Variants in LHFPL3 observed in about 807,000 individuals in gnomAD.
The protein encoded by LHFPL3 is LHFPL tetraspan subfamily member 3, also known as LHFPL tetraspan subfamily member 3 protein.
Under a neutral mutation model 19.3 loss-of-function variants are expected in LHFPL3, and 5 were observed. That is an observed-to-expected ratio of 0.26 (90% CI 0.14 to 0.54). The LOEUF (loss-of-function observed/expected upper bound fraction) is 0.54. Ranked by LOEUF, LHFPL3 falls within the 20% of genes least tolerant of loss-of-function variation. The pLI is 0.94. For missense variants in LHFPL3, 249 were observed against 307.4 expected (o/e 0.81, Z 1.42); for synonymous variants, 133 against 126.2 (o/e 1.05, Z -0.36).
chr7:104,873,732 C>T (rs776895480), intron 2 of LHFPL3, among the ~76,000 whole-genome samples: 8 of 152,158 alleles, frequency 5.3e-5, no homozygotes, highest in Non-Finnish European at 7.4e-5. Context: ...ATTTTCTTTC[C>T]GTCTGTATAC....
intron 1 of LHFPL3, among the ~76,000 whole-genome samples, chr7:104,526,361 A>G (rs1794188531): frequency 1.3e-5 from 2 of 152,354 alleles, no homozygotes; most frequent in South Asian, 4.1e-4. Flanking sequence ...ACAAGCATCT[A>G]TGTAGCACAG....
chr7:104,862,067 C>T (rs1405232778), intron 2 of LHFPL3, among the ~76,000 whole-genome samples: 3 of 152,152 alleles, frequency 2.0e-5, no homozygotes, highest in Non-Finnish European at 4.4e-5. Context: ...CTTACACCAT[C>T]TTCCAGCAAT....
intron 2 of LHFPL3, among the ~76,000 whole-genome samples, chr7:104,865,238 G>A (rs576638755): frequency 3.0e-4 from 45 of 152,280 alleles, no homozygotes; most frequent in African/African-American, 8.9e-4. Flanking sequence ...TGACTTTGAC[G>A]AGTTGAGAGA....
chr7:104,850,250 C>T (rs987883522), intron 2 of LHFPL3, among the ~76,000 whole-genome samples: 3 of 151,930 alleles, frequency 2.0e-5, no homozygotes, highest in African/African-American at 7.2e-5. Context: ...TGCGGTGAGC[C>T]GAGATCACAC....
At chr7:104,455,552 C>T (rs1455458124) in intron 1 of LHFPL3, among the ~76,000 whole-genome samples, 1 of 152,090 alleles carries the variant, frequency 6.6e-6, no homozygotes, top group Non-Finnish European at 1.5e-5. Context: ...GAAACCTCAT[C>T]TCTAATAAAA....
At chr7:104,831,120 G>A (rs906090918) in intron 2 of LHFPL3, among the ~76,000 whole-genome samples, 2 of 151,896 alleles carry the variant, frequency 1.3e-5, no homozygotes, top group African/African-American at 4.9e-5. Flanking sequence ...GCTAGAAATT[G>A]ACCATTTCAC....
intron 2 of LHFPL3, among the ~76,000 whole-genome samples, chr7:104,886,427 C>T (rs898842241): frequency 6.6e-6 from 1 of 152,030 alleles, no homozygotes; most frequent in Non-Finnish European, 1.5e-5. Context: ...TGCAGTGGTG[C>T]GATCTCAGTT....
At chr7:104,393,807 G>T (rs928365514) in intron 1 of LHFPL3, among the ~76,000 whole-genome samples, 13 of 152,164 alleles carry the variant, frequency 8.5e-5, no homozygotes, top group Non-Finnish European at 1.8e-4. Flanking sequence ...CAACATGAAT[G>T]AATATTGAAA....
intron 1 of LHFPL3, among the ~76,000 whole-genome samples, chr7:104,337,825 C>T (rs1233973928): frequency 6.6e-6 from 1 of 152,190 alleles, no homozygotes; most frequent in East Asian, 1.9e-4. Flanking sequence ...TATTGTGGAT[C>T]TGTGTGATGC....
At chr7:104,560,715 T>G (rs1789972886) in intron 1 of LHFPL3, among the ~76,000 whole-genome samples, 1 of 148,246 alleles carries the variant, frequency 6.7e-6, no homozygotes, top group East Asian at 1.9e-4. Flanking sequence ...ATTTCTTGCC[T>G]TCTGCTAGCT....
intron 1 of LHFPL3, among the ~76,000 whole-genome samples, chr7:104,463,136 T>G (rs964525987): frequency 2.0e-5 from 3 of 152,194 alleles, no homozygotes; most frequent in African/African-American, 4.8e-5. Context: ...CCTTTCTTCT[T>G]TATTAGTCTA....
chr7:104,758,166 G>A (rs903124677), intron 2 of LHFPL3, among the ~76,000 whole-genome samples: 1 of 152,048 alleles, frequency 6.6e-6, no homozygotes, highest in African/African-American at 2.4e-5. Context: ...CATAAACATG[G>A]GAACAATGGA....
chr7:104,729,933 C>T (rs1793666206), intron 1 of LHFPL3, among the ~76,000 whole-genome samples: 1 of 147,370 alleles, frequency 6.8e-6, no homozygotes, highest in Non-Finnish European at 1.5e-5. Flanking sequence ...GTGTGATGTT[C>T]CCCTTCCTGT....
intron 2 of LHFPL3, among the ~76,000 whole-genome samples, chr7:104,896,975 A>G (rs944930973): frequency 6.6e-6 from 1 of 152,058 alleles, no homozygotes; most frequent in Non-Finnish European, 1.5e-5. Flanking sequence ...AGTCCCAGCT[A>G]CTTGGGAGGC....
At chr7:104,861,046 A>T (rs1791611009) in intron 2 of LHFPL3, among the ~76,000 whole-genome samples, 1 of 152,246 alleles carries the variant, frequency 6.6e-6, no homozygotes, top group African/African-American at 2.4e-5. Flanking sequence ...TTTTTAAAAA[A>T]GTAAAACATA....
intron 1 of LHFPL3, among the ~76,000 whole-genome samples, chr7:104,709,428 A>G (rs1401089531): frequency 8.3e-6 from 1 of 120,396 alleles, no homozygotes; most frequent in African/African-American, 2.8e-5. Context: ...GGGAGTGGTG[A>G]TGACTCTTAA....
rs539655338 is a variant in LHFPL3 at position 104,752,089 on chromosome 7, C to T, written c.682+15178C>T. 5.5e-3 allele frequency among the ~76,000 whole-genome samples: 844 copies of T among 152,210 alleles called. 4 individuals carry two copies. The highest frequency in any genetic ancestry group is 0.019 in the African/African-American group (782 of 41,524). ...GTTGGGTCTTATTTTCTTTAACCTG[C>T]GTTTGAGGTTGTAATGTTACAGGCA... On this transcript the variant is annotated intron_variant, in intron 2 of 2. Transcript: ENST00000424859.
chr7:104,613,772 A>C (rs73715135), intron 1 of LHFPL3, among the ~76,000 whole-genome samples: 28,943 of 152,166 alleles, frequency 0.19, 3,082 homozygotes, highest in East Asian at 0.45. Context: ...AGTGGAACAG[A>C]CAAGAGTTAA....
At chr7:104,348,153 G>T (rs976088390) in intron 1 of LHFPL3, among the ~76,000 whole-genome samples, 1 of 152,180 alleles carries the variant, frequency 6.6e-6, no homozygotes, top group Non-Finnish European at 1.5e-5. Flanking sequence ...TTGGAAGACC[G>T]AGGCGTGTGG....
Sources: gnomAD v4.1 joint callset for allele counts (sites outside exome capture counted in the v4.1 genomes callset) on GRCh38, gnomAD v4.1.1 for gene constraint, MANE v1.5 for transcripts, NCBI Gene and HGNC (gene_info 2026-07-23, HGNC 2026-07-21) for gene names.